Variants in EPYC observed in about 807,000 individuals in gnomAD.
The protein encoded by EPYC is dermatan sulfate proteoglycan 3.
In EPYC, 28 loss-of-function variants were observed where a neutral mutation model predicts 30.1. That is an observed-to-expected ratio of 0.93 (90% CI 0.69 to 1.28). The LOEUF (loss-of-function observed/expected upper bound fraction) is 1.28. EPYC is among the 50% of genes most tolerant of loss of function. EPYC has a pLI of 0.00. For missense variants in EPYC, 382 were observed against 383.5 expected, an observed-to-expected ratio of 1.00 and a Z score of 0.03; for synonymous variants, 144 against 141.4, an observed-to-expected ratio of 1.02 and a Z score of -0.13.
chr12:90,970,633 A>C (rs1877016117), intron 5 of EPYC, among the ~76,000 whole-genome samples: 1 of 152,216 alleles, frequency 6.6e-6, no homozygotes, highest in South Asian at 2.1e-4. Context: ...TACTCTAGCC[A>C]AACACCCTAG....
At chr12:90,966,170 C>G (rs1876889784) in intron 6 of EPYC, among the ~76,000 whole-genome samples, 2 of 151,936 alleles carry the variant, frequency 1.3e-5, no homozygotes. Context: ...CTGCCAGGCT[C>G]AATACTGAAT....
intron 2 of EPYC, among the ~76,000 whole-genome samples, chr12:90,979,955 G>T (rs949503471): frequency 2.0e-5 from 3 of 152,110 alleles, no homozygotes; most frequent in African/African-American, 7.2e-5. Context: ...TACTGTCTTT[G>T]ATACTTTAGG....
At chr12:91,004,122 C>A (rs1877895783) in intron 1 of EPYC, among the ~76,000 whole-genome samples, 1 of 152,046 alleles carries the variant, frequency 6.6e-6, no homozygotes, top group Non-Finnish European at 1.5e-5. Context: ...ACCATTCTCC[C>A]ATAATCAAGT....
intron 3 of EPYC, among the ~76,000 whole-genome samples, chr12:90,975,690 T>C (rs1877163427): frequency 6.6e-6 from 1 of 152,146 alleles, no homozygotes. Context: ...CAGGTACTGA[T>C]ACAAGATTGG....
Position 90,963,891 on chromosome 12 carries a change from G to A in EPYC, c.*265C>T. 1 of 255,816 alleles carries A rather than the reference G, an allele frequency of 3.9e-6. No individual in the cohort carries two copies. The highest frequency in any genetic ancestry group is 7.4e-6 in the Non-Finnish European group (1 of 135,602). The allele number at this position is 255,816 out of a possible 1,614,324, so 15.8% of individuals were successfully genotyped here. On this transcript the variant is annotated 3_prime_UTR_variant, in exon 7 of 7. Coordinates refer to ENST00000261172, the MANE Select transcript of EPYC (RefSeq NM_004950.5). ...ATATGAACTCCTAAAACTTGCAAGT[G>A]ATACATGATCTATAAGAACATGTGT... is the stretch of plus-strand genomic sequence containing the variant.
At position 91,002,421 on chromosome 12, in the gene EPYC, T is replaced by C. The variant is rs115626888; in HGVS notation, c.145A>G (p.Ile49Val). The C allele has an allele frequency of 7.4e-5, 119 of 1,612,516 alleles. No individual in the cohort carries two copies. The East Asian group carries it at 2.1e-3, about 28-fold the overall frequency. ...DLDNLYNYEN[I>V]PVDKVEIEIA... ...ATTACCTCAACTTTATCAACAGGTATGTTTTCATAGTTGTACAAATTATCC... is the reference window on the plus strand; with the variant it reads ...ATTACCTCAACTTTATCAACAGGTACGTTTTCATAGTTGTACAAATTATCC... Residue 49 changes from isoleucine to valine, a missense_variant, in exon 2 of 7, where the codon ATA becomes GTA. Coordinates refer to ENST00000261172, the MANE Select transcript of EPYC (RefSeq NM_004950.5).
rs190718691 is a variant in EPYC, at chr12:91,001,370, G to A, written c.165+1031C>T. ...TAAGAAGATTTACACTTTAAAGATT[G>A]CCCAAAATATGTTATGATCCTTTAA... On this transcript the variant is annotated intron_variant, in intron 2 of 6. Coordinates refer to ENST00000261172, the MANE Select transcript of EPYC (RefSeq NM_004950.5). Among the ~76,000 whole-genome samples, 11 of 152,064 alleles carry A rather than the reference G, an allele frequency of 7.2e-5. No individual in the cohort carries two copies. In the East Asian group the frequency reaches 1.4e-3, roughly 19 times the overall value.
chr12:90,973,309 T>G (rs1323324538), intron 3 of EPYC, among the ~76,000 whole-genome samples: 1 of 152,138 alleles, frequency 6.6e-6, no homozygotes, highest in African/African-American at 2.4e-5. Context: ...GTCTTTGGTT[T>G]AATAATGAAA....
chr12:90,994,876 T>A (rs1877663526), intron 2 of EPYC, among the ~76,000 whole-genome samples: 1 of 152,132 alleles, frequency 6.6e-6, no homozygotes, highest in Non-Finnish European at 1.5e-5. Flanking sequence ...CAAAATGAAA[T>A]TTTGAATTTA....
chr12:90,972,765 TA>T, intron 4 of EPYC, 56 bp downstream of exon 4: 3 of 1,446,384 alleles, frequency 2.1e-6, no homozygotes, highest in Non-Finnish European at 1.9e-6. Flanking sequence ...TTTAACAATG[TA>T]AAAATTTAAA....
At chr12:90,972,101 A>C in intron 4 of EPYC, 99 bp from the exon 5 acceptor site, 1 of 686,174 alleles carries the variant, frequency 1.5e-6, no homozygotes, top group African/African-American at 1.8e-5. Context: ...TAAATTTAGC[A>C]ATGCACAGTT....
In EPYC at chr12:90,964,311, C is replaced by G. The variant is rs778612225; in HGVS notation, c.814G>C (p.Glu272Gln). Residue 272 changes from glutamate (E) to glutamine (Q), a missense_variant, in exon 7 of 7, where the codon GAA becomes CAA. Physicochemically the swap from Glu to Gln is conservative, Grantham distance 29 (BLOSUM62 2). Coordinates refer to ENST00000261172, the MANE Select transcript of EPYC (RefSeq NM_004950.5). ...ALHLQNNNILEMHEDTFCNVK... is the reference protein window; with the variant it reads ...ALHLQNNNILQMHEDTFCNVK... ...TTGCAGAACGTATCTTCGTGCATTT[C>G]CAGAATGTTGTTATTCTAAAAAAGA... The G allele has an allele frequency of 6.2e-7, 1 of 1,605,798 alleles. No homozygotes were observed. The highest frequency in any genetic ancestry group is 8.5e-7 in the Non-Finnish European group (1 of 1,173,754).
chr12:91,004,542 A>T (rs540588583), intron 1 of EPYC, among the ~76,000 whole-genome samples: 2 of 152,206 alleles, frequency 1.3e-5, no homozygotes, highest in South Asian at 4.1e-4. Flanking sequence ...GCATAATGTC[A>T]TGTAATCATT....
chr12:90,986,926 A>G (rs2120844789), intron 2 of EPYC, among the ~76,000 whole-genome samples: 1 of 152,136 alleles, frequency 6.6e-6, no homozygotes, highest in South Asian at 2.1e-4. Context: ...TTTTTTCCCC[A>G]TTATACTCCC....
intron 1 of EPYC, among the ~76,000 whole-genome samples, chr12:91,004,413 G>A (rs973366721): frequency 6.6e-6 from 1 of 151,900 alleles, no homozygotes; most frequent in African/African-American, 2.4e-5. Context: ...AATTGTATTA[G>A]CATTTAATGT....
chr12:90,974,846 G>A (rs750652394), intron 3 of EPYC, among the ~76,000 whole-genome samples: 21 of 152,078 alleles, frequency 1.4e-4, no homozygotes, highest in Non-Finnish European at 2.4e-4. Context: ...TGGAATGAAT[G>A]GAGAAAGTGA....
chr12:90,970,805 T>A (rs1281579924), intron 5 of EPYC, among the ~76,000 whole-genome samples: 1 of 152,150 alleles, frequency 6.6e-6, no homozygotes, highest in Non-Finnish European at 1.5e-5. Context: ...CACCACCCAG[T>A]GGTTATGAGG....
rs1057170445 is a variant in EPYC at position 90,963,692 on chromosome 12, A to G, written c.*464T>C. On this transcript the variant is annotated 3_prime_UTR_variant, in exon 7 of 7. Transcript: ENST00000261172. ...TTCACAAGGCCATTATAATTTTCAA[A>G]TACATTTATTCTTTTTTTCATGCTC... 6.6e-6 allele frequency: 1 copy of G among 152,244 alleles called. No individual in the cohort carries two copies. Among genetic ancestry groups the G allele is most frequent in the Admixed American group, 6.5e-5 (1 of 15,274 alleles). The allele number at this position is 152,244 out of a possible 1,614,324, so 9.4% of individuals were successfully genotyped here.
At chr12:90,971,700 A>AAATAAATT (rs1196665801) in intron 5 of EPYC, 100 bp downstream of exon 5, 1 of 386,176 alleles carries the variant, frequency 2.6e-6, no homozygotes, top group African/African-American at 2.1e-5. Context: ...ATAAATAAAT[A>AAATAAATT]AATAAATAAA....
Sources: allele counts gnomAD v4.1 joint callset (sites outside exome capture counted in the v4.1 genomes callset), GRCh38; gene constraint gnomAD v4.1.1; transcripts MANE v1.5; gene names NCBI Gene and HGNC (gene_info 2026-07-23, HGNC 2026-07-21).